Variants in AHCYL1 observed in about 807,000 individuals in gnomAD.
AHCYL1 encodes adenosylhomocysteinase like 1, also known as S-adenosylhomocysteine hydrolase-like protein 1.
In AHCYL1, 20 loss-of-function variants were observed where a neutral mutation model predicts 79.3. The ratio of observed to expected loss-of-function variants is 0.25; its 90% confidence interval spans 0.18 to 0.37. The LOEUF (loss-of-function observed/expected upper bound fraction) is 0.37. Among genes scored for constraint, AHCYL1 ranks in the 10% least tolerant of loss-of-function variants. The pLI is 1.00. For missense variants in AHCYL1, 330 were observed against 673.6 expected (o/e 0.49, Z 5.65); for synonymous variants, 223 against 242.2 (o/e 0.92, Z 0.74).
rs11349395 is a variant in AHCYL1 at position 110,005,759 on chromosome 1, T to TA, written c.121-3261dup. On this transcript the variant is annotated intron_variant, in intron 1 of 16. Coordinates refer to ENST00000369799, the MANE Select transcript of AHCYL1 (RefSeq NM_006621.7). ...TGAAAGTAAACTCAGCTTCTAATGG[T>TA]AAAAAAAAAAAAAATCAATTAGGAT... is the stretch of plus-strand genomic sequence containing the variant. Among the ~76,000 whole-genome samples, 446 of 142,594 alleles carry TA rather than the reference T, an allele frequency of 3.1e-3. 2 individuals are homozygous for TA. The highest frequency in any genetic ancestry group is 0.011 in the Middle Eastern group (3 of 282). 93.5% of individuals were successfully genotyped at this position (142,594 alleles called of 152,430 possible). A position where few individuals can be genotyped will look rare whatever the true frequency, so the allele number is the denominator to read the frequency against.
At chr1:110,017,645 A>T (rs1315296812) in intron 10 of AHCYL1, 62 bp downstream of exon 10, 98 of 1,514,380 alleles carry the variant, frequency 6.5e-5, no homozygotes, top group Non-Finnish European at 8.7e-5. Context: ...TTGAGAGTTC[A>T]TAATTGAGTA....
At chr1:110,002,282 T>C (rs116534841) in intron 1 of AHCYL1, among the ~76,000 whole-genome samples, 254 of 152,268 alleles carry the variant, frequency 1.7e-3, no homozygotes, top group African/African-American at 5.8e-3. Context: ...CTGAGAGAAA[T>C]GGTTGATTCC....
intron 1 of AHCYL1, among the ~76,000 whole-genome samples, chr1:109,989,624 G>A (rs1374739466): frequency 1.3e-5 from 2 of 152,146 alleles, no homozygotes; most frequent in Non-Finnish European, 2.9e-5. Context: ...CTGCCACTCC[G>A]AGTAGTTAAT....
intron 1 of AHCYL1, among the ~76,000 whole-genome samples, chr1:110,005,067 G>A (rs1338009775): frequency 1.3e-5 from 2 of 152,082 alleles, no homozygotes; most frequent in African/African-American, 4.8e-5. Context: ...AATATGCTAG[G>A]ACAGACAATG....
intron 1 of AHCYL1, among the ~76,000 whole-genome samples, chr1:109,993,448 A>G (rs1175954094): frequency 6.6e-6 from 1 of 152,242 alleles, no homozygotes; most frequent in Non-Finnish European, 1.5e-5. Flanking sequence ...AATACTGTCA[A>G]TAAATGCTTA....
At chr1:110,014,153 G>GT (rs1285246373) in intron 5 of AHCYL1, among the ~76,000 whole-genome samples, 3 of 152,034 alleles carry the variant, frequency 2.0e-5, no homozygotes, top group African/African-American at 4.8e-5. Context: ...ATACTTTTGG[G>GT]TTTTTTTGTT....
At chr1:110,006,124 AT>A (rs1650638411) in intron 1 of AHCYL1, among the ~76,000 whole-genome samples, 1 of 152,230 alleles carries the variant, frequency 6.6e-6, no homozygotes, top group African/African-American at 2.4e-5. Context: ...GAATGGGTCA[AT>A]CTGACCTTCT....
At chr1:110,000,300 A>C (rs537237024) in intron 1 of AHCYL1, among the ~76,000 whole-genome samples, 1 of 152,340 alleles carries the variant, frequency 6.6e-6, no homozygotes, top group South Asian at 2.1e-4. Flanking sequence ...CTTTTGTCCT[A>C]GTAAAGTAGT....
intron 1 of AHCYL1, among the ~76,000 whole-genome samples, chr1:110,000,402 T>C (rs720917): frequency 0.19 from 28,887 of 152,144 alleles, 3,145 homozygotes; most frequent in South Asian, 0.45. Flanking sequence ...GTTACCACAG[T>C]GTTTGGGCTC....
intron 3 of AHCYL1, among the ~76,000 whole-genome samples, 184 bp downstream of exon 3, chr1:110,011,541 C>T (rs568470917): frequency 7.0e-4 from 107 of 152,300 alleles, no homozygotes; most frequent in African/African-American, 2.4e-3. Flanking sequence ...GTTCTCTCTT[C>T]CTTCTGTTCT....
At chr1:109,995,505 G>T in intron 1 of AHCYL1, 1 of 194,338 alleles carries the variant, frequency 5.1e-6, no homozygotes, top group Non-Finnish European at 9.4e-6. Context: ...AGATGGAGTT[G>T]GCATTAAAGG....
chr1:110,020,420 T>C (rs1651723970), intron 15 of AHCYL1, among the ~76,000 whole-genome samples: 1 of 152,134 alleles, frequency 6.6e-6, no homozygotes, highest in African/African-American at 2.4e-5. Context: ...GCATGTGACA[T>C]GTGGGCCACT....
chr1:109,984,961 T>C lies in AHCYL1; in HGVS notation c.-92T>C. ...GCCGGCAGGAGGGTGGGCGATCGCG[T>C]GTCGGAGGGCGCCGCGCGGGCAGGC... On this transcript the variant is annotated 5_prime_UTR_variant, in exon 1 of 17. Coordinates refer to ENST00000369799, the MANE Select transcript of AHCYL1 (RefSeq NM_006621.7). 5 of 1,351,536 alleles carry C rather than the reference T, an allele frequency of 3.7e-6. No individual in the cohort carries two copies. The highest frequency in any genetic ancestry group is 4.7e-6 in the Non-Finnish European group (5 of 1,054,174). 83.7% of individuals were successfully genotyped at this position (1,351,536 alleles called of 1,614,324 possible).
At chr1:110,006,275 T>G (rs920222040) in intron 1 of AHCYL1, among the ~76,000 whole-genome samples, 1 of 152,222 alleles carries the variant, frequency 6.6e-6, no homozygotes, top group African/African-American at 2.4e-5. Context: ...TTAAAGATAC[T>G]TTCTGCATTT....
chr1:110,009,027 T>G lies in AHCYL1; in HGVS notation c.121-7T>G. On this transcript the variant is annotated splice_region_variant and splice_polypyrimidine_tract_variant and intron_variant, in intron 1 of 16. Transcript: ENST00000369799. The stretch of plus-strand genomic sequence containing the variant: ...AGTTTTCAACTTTTTGTCTTCCTTT[T>G]GTATAGCAAATCCAGTTTGCTGATG... 1 of 1,609,632 alleles carries G rather than the reference T, an allele frequency of 6.2e-7. No individual in the cohort carries two copies. Among genetic ancestry groups the G allele is most frequent in the East Asian group, 2.2e-5 (1 of 44,840 alleles).
At position 110,018,690 on chromosome 1, in the gene AHCYL1, G is replaced by A. The variant is rs769181297; in HGVS notation, c.1317+40G>A. On this transcript the variant is annotated intron_variant, in intron 13 of 16. Coordinates refer to ENST00000369799, the MANE Select transcript of AHCYL1 (RefSeq NM_006621.7). ...GGACCCTGGCAGAGCAGCACAAGCAGAGTAGTTAGATCTATGAGGGGGGAG... is the reference window on the plus strand; with the variant it reads ...GGACCCTGGCAGAGCAGCACAAGCAAAGTAGTTAGATCTATGAGGGGGGAG... 6.4e-6 allele frequency: 10 copies of A among 1,561,398 alleles called. No individual in the cohort carries two copies. The African/African-American group carries it at 1.2e-4, about 19-fold the overall frequency.
chr1:109,993,083 C>T (rs1242960220), intron 1 of AHCYL1, among the ~76,000 whole-genome samples: 1 of 152,022 alleles, frequency 6.6e-6, no homozygotes, highest in Non-Finnish European at 1.5e-5. Context: ...GAGTTCAGCT[C>T]AGGAACTTAA....
intron 13 of AHCYL1, 134 bp from the exon 14 acceptor site, chr1:110,018,917 T>C: frequency 1.1e-6 from 1 of 879,816 alleles, no homozygotes; most frequent in Middle Eastern, 3.0e-4. Context: ...CCTAGAGTCC[T>C]GATCTGGAAC....
chr1:110,013,802 C>CTT (rs151045613), intron 5 of AHCYL1, among the ~76,000 whole-genome samples: 58 of 142,172 alleles, frequency 4.1e-4, no homozygotes, highest in Admixed American at 7.0e-4. Flanking sequence ...ATCTTTCTTT[C>CTT]TTTTTTTTTT....
Sources: allele counts gnomAD v4.1 joint callset (sites outside exome capture counted in the v4.1 genomes callset), GRCh38; gene constraint gnomAD v4.1.1; transcripts MANE v1.5; gene names NCBI Gene and HGNC (gene_info 2026-07-23, HGNC 2026-07-21).